CDC73: variants seen among roughly 807,000 people sequenced by gnomAD.
CDC73 encodes the protein parafibromin.
Under a neutral mutation model 83.7 loss-of-function variants are expected in CDC73, and 21 were observed. The observed-to-expected ratio is 0.25, with a 90% CI of 0.18 to 0.36. CDC73 has a LOEUF of 0.36. Ranked by LOEUF, CDC73 falls within the 10% of genes least tolerant of loss-of-function variation. The pLI is 1.00. For synonymous variants in CDC73, 224 were observed against 212.9 expected, an observed-to-expected ratio of 1.05 and a Z score of -0.45; for missense variants, 342 against 653.3, an observed-to-expected ratio of 0.52 and a Z score of 5.19.
rs140175899 is a variant in CDC73 at position 193,248,281 on chromosome 1, A to G, written c.1418-1449A>G. ...GACAACACTGTTTACAGCAGGGTTCAGTGAATATTTTAAGGCCACTGTTGA... is the reference window on the plus strand; with the variant it reads ...GACAACACTGTTTACAGCAGGGTTCGGTGAATATTTTAAGGCCACTGTTGA... On this transcript the variant is annotated intron_variant, in intron 15 of 16. Transcript: ENST00000367435. 3.6e-3 allele frequency among the ~76,000 whole-genome samples: 545 copies of G among 152,252 alleles called. 3 individuals carry two copies. Among genetic ancestry groups the G allele is most frequent in the Middle Eastern group, 0.02 (6 of 294 alleles).
intron 1 of CDC73, chr1:193,122,599 A>G (rs1675475625): frequency 2.3e-6 from 1 of 442,106 alleles, no homozygotes; most frequent in Non-Finnish European, 4.2e-6. Flanking sequence ...GTTAATTTTT[A>G]TCAGTAGGTA....
At chr1:193,204,205 GTGTATATATATGTATA>G (rs1400379919) in intron 11 of CDC73, among the ~76,000 whole-genome samples, 2 of 13,972 alleles carry the variant, frequency 1.4e-4, no homozygotes, top group Non-Finnish European at 3.3e-4. Context: ...ATATATATAC[GTGTATATATATGTATA>G]TATATGTATA....
chr1:193,176,981 AAAC>A (rs1275060039), intron 10 of CDC73, among the ~76,000 whole-genome samples: 1 of 152,200 alleles, frequency 6.6e-6, no homozygotes, highest in African/African-American at 2.4e-5. Flanking sequence ...TGTCACCATT[AAAC>A]AACAACTGGA....
In CDC73 at chr1:193,252,211, T is replaced by A. The variant is rs138503809; in HGVS notation, c.*1499T>A. On this transcript the variant is annotated 3_prime_UTR_variant, in exon 17 of 17. Transcript: ENST00000367435. ...CTAGATTTTAGCATACTTAACAAGGTTTGAACAGATTCTACCCCTATTTTC... is the reference window on the plus strand; with the variant it reads ...CTAGATTTTAGCATACTTAACAAGGATTGAACAGATTCTACCCCTATTTTC... 4.9e-4 allele frequency: 113 copies of A among 231,032 alleles called. 1 individual carries two copies. In the East Asian group the frequency reaches 6.8e-3, roughly 14 times the overall value. The allele number at this position is 231,032 out of a possible 1,614,324, so 14.3% of individuals were successfully genotyped here. A position where few individuals can be genotyped will look rare whatever the true frequency, so the allele number is the denominator to read the frequency against.
chr1:193,236,475 C>A, intron 15 of CDC73, 119 bp downstream of exon 15: 2 of 728,450 alleles, frequency 2.7e-6, no homozygotes, highest in Non-Finnish European at 2.5e-6. Context: ...TGTTAAGTAA[C>A]ATATGTTAAT....
At chr1:193,220,749 A>G (rs1351874193) in intron 13 of CDC73, among the ~76,000 whole-genome samples, 2 of 152,170 alleles carry the variant, frequency 1.3e-5, no homozygotes, top group South Asian at 2.1e-4. Flanking sequence ...AAGTTTTAGT[A>G]TTCTGGCAGA....
rs756040512 is a variant in CDC73 at position 193,128,993 on chromosome 1, A to ATT, written c.238-1160_238-1159dup. On this transcript the variant is annotated intron_variant, in intron 2 of 16. Coordinates refer to ENST00000367435, the MANE Select transcript of CDC73 (RefSeq NM_024529.5). ...AGGCTTCTGCCATCACGCCCGGCTA[A>ATT]TTTTTTTTTTTTTTTTTTTTTTGAG... 2.1e-3 allele frequency among the ~76,000 whole-genome samples: 271 copies of ATT among 128,892 alleles called. 1 individual carries two copies. The highest frequency in any genetic ancestry group is 5.7e-3 in the African/African-American group (189 of 33,182). The allele number at this position is 128,892 out of a possible 152,430, so 84.6% of individuals were successfully genotyped here. A position where few individuals can be genotyped will look rare whatever the true frequency, so the allele number is the denominator to read the frequency against.
intron 15 of CDC73, among the ~76,000 whole-genome samples, chr1:193,239,974 A>G (rs758220157): frequency 6.6e-6 from 1 of 152,080 alleles, no homozygotes; most frequent in Non-Finnish European, 1.5e-5. Flanking sequence ...ACATTAATCA[A>G]CCACCTTTCA....
Position 193,251,811 on chromosome 1 carries a change from G to A in CDC73, c.*1099G>A, listed in dbSNP as rs1202170101. On this transcript the variant is annotated 3_prime_UTR_variant, in exon 17 of 17. Coordinates refer to ENST00000367435, the MANE Select transcript of CDC73 (RefSeq NM_024529.5). ...AAATGTTGCATCCAAGGTACATCAA[G>A]TGACCATTTGCCTTGAACCTTGATT... The A allele has an allele frequency of 1.3e-5, 3 of 230,562 alleles. No individual in the cohort carries two copies. Among genetic ancestry groups the A allele is most frequent in the Admixed American group, 5.7e-5 (1 of 17,570 alleles). The allele number at this position is 230,562 out of a possible 1,614,324, so 14.3% of individuals were successfully genotyped here. A position where few individuals can be genotyped will look rare whatever the true frequency, so the allele number is the denominator to read the frequency against.
chr1:193,134,507 A>C (rs1338974964), intron 3 of CDC73, among the ~76,000 whole-genome samples: 1 of 152,112 alleles, frequency 6.6e-6, no homozygotes, highest in Non-Finnish European at 1.5e-5. Flanking sequence ...CGTCTCTACT[A>C]AAAATACAAA....
At chr1:193,204,169 T>TTA (rs1221234271) in intron 11 of CDC73, among the ~76,000 whole-genome samples, 219 of 149,078 alleles carry the variant, frequency 1.5e-3, no homozygotes, top group Middle Eastern at 7.1e-3. Flanking sequence ...ATTTTGTTTT[T>TTA]TATATATATA....
chr1:193,163,856 G>A (rs1676386576), intron 10 of CDC73, among the ~76,000 whole-genome samples: 1 of 152,122 alleles, frequency 6.6e-6, no homozygotes, highest in Non-Finnish European at 1.5e-5. Flanking sequence ...TGGATCAACT[G>A]CAACCTCCGC....
chr1:193,160,525 G>T lies in CDC73; in HGVS notation c.972+8081G>T, dbSNP rs1162412297. Among the ~76,000 whole-genome samples the T allele has an allele frequency of 2.0e-5, 3 of 152,050 alleles. No homozygotes were observed. The East Asian group carries it at 5.8e-4, about 29-fold the overall frequency. The stretch of plus-strand genomic sequence containing the variant: ...TAGATGACTTTCAGAATTGCACAAA[G>T]ATTTTAGTTTTCTTTCAGCTTAATA... On this transcript the variant is annotated intron_variant, in intron 10 of 16. Transcript: ENST00000367435.
chr1:193,162,307 ATATT>A (rs1166678883), intron 10 of CDC73, among the ~76,000 whole-genome samples: 3 of 129,134 alleles, frequency 2.3e-5, no homozygotes, highest in Non-Finnish European at 4.7e-5. Flanking sequence ...TATATACTAT[ATATT>A]ATATATCATA....
chr1:193,230,457 A>AT (rs752027731), intron 13 of CDC73, among the ~76,000 whole-genome samples: 1,929 of 90,634 alleles, frequency 0.021, 127 homozygotes, highest in Non-Finnish European at 0.029. Flanking sequence ...CTAATCCCGT[A>AT]TTTTTTTTTT....
At chr1:193,226,612 G>A (rs1233477901) in intron 13 of CDC73, among the ~76,000 whole-genome samples, 1 of 152,176 alleles carries the variant, frequency 6.6e-6, no homozygotes, top group East Asian at 1.9e-4. Flanking sequence ...TTTATGTAGT[G>A]TATCACATTT....
At position 193,252,157 on chromosome 1, in the gene CDC73, C is replaced by T. The variant is rs777813437; in HGVS notation, c.*1445C>T. 1 of 230,862 alleles carries T rather than the reference C, an allele frequency of 4.3e-6. No individual in the cohort carries two copies. The highest frequency in any genetic ancestry group is 8.6e-6 in the Non-Finnish European group (1 of 116,606). The allele number at this position is 230,862 out of a possible 1,614,324, so 14.3% of individuals were successfully genotyped here. ...TTCACATGATATTTACAAGGCTCTT[C>T]AGAAGGGAACAGTCAGCATTTTAAA... On this transcript the variant is annotated 3_prime_UTR_variant, in exon 17 of 17. Coordinates refer to ENST00000367435, the MANE Select transcript of CDC73 (RefSeq NM_024529.5).
chr1:193,222,484 A>T (rs1343741880), intron 13 of CDC73, among the ~76,000 whole-genome samples: 2 of 152,042 alleles, frequency 1.3e-5, no homozygotes, highest in African/African-American at 4.8e-5. Context: ...ATGGGAGTTT[A>T]TTTTTTTCCC....
chr1:193,143,274 T>G (rs1419851677), intron 7 of CDC73, among the ~76,000 whole-genome samples: 1 of 152,174 alleles, frequency 6.6e-6, no homozygotes, highest in Non-Finnish European at 1.5e-5. Context: ...TTTTTGCTAT[T>G]TACAACAAAA....
Sources: gnomAD v4.1 joint callset for allele counts (sites outside exome capture counted in the v4.1 genomes callset) on GRCh38, gnomAD v4.1.1 for gene constraint, MANE v1.5 for transcripts, NCBI Gene and HGNC (gene_info 2026-07-23, HGNC 2026-07-21) for gene names.